SPATA31D4: variants seen among roughly 807,000 people sequenced by gnomAD.
SPATA31D4 encodes SPATA31 subfamily D member 4.
For missense variants in SPATA31D4, 73 were observed against 279.1 expected (o/e 0.26, Z 5.26); for synonymous variants, 23 against 102.8 (o/e 0.22, Z 4.70).
Position 81,932,978 on chromosome 9 carries a change from G to A in SPATA31D4, c.*63G>A. ...CATAGAAATCTTCAAATCAGAAGAG[G>A]ATATTTCCAATTCCTTTTCCCATTT... On this transcript the variant is annotated 3_prime_UTR_variant, in exon 4 of 4. Coordinates refer to ENST00000419782, the MANE Select transcript of SPATA31D4 (RefSeq NM_001145197.1). 1 of 1,503,628 alleles carries A rather than the reference G, an allele frequency of 6.7e-7. No homozygotes were observed. Among genetic ancestry groups the A allele is most frequent in the Non-Finnish European group, 9.1e-7 (1 of 1,100,968 alleles). The allele number at this position is 1,503,628 out of a possible 1,614,324, so 93.1% of individuals were successfully genotyped here. A position where few individuals can be genotyped will look rare whatever the true frequency, so the allele number is the denominator to read the frequency against.
At position 81,932,903 on chromosome 9, in the gene SPATA31D4, T is replaced by A. The variant is rs1439888256; in HGVS notation, c.2742T>A (p.Asn914Lys). ...IKSFHMKPILNLSI is the reference protein window; with the variant it reads ...IKSFHMKPILKLSI ...CTTTCCATATGAAGCCCATATTAAATCTTTCCATATGAGGATGCTGTGGGG... is the reference window on the plus strand; with the variant it reads ...CTTTCCATATGAAGCCCATATTAAAACTTTCCATATGAGGATGCTGTGGGG... The change falls in exon 4 of 4, where the codon AAT becomes AAA. Residue 914 changes from asparagine to lysine, a missense_variant. Asn to Lys is a moderately conservative substitution (Grantham distance 94, BLOSUM62 0). Transcript: ENST00000419782. The A allele has an allele frequency of 7.4e-6, 11 of 1,489,828 alleles. 1 individual carries two copies. Among genetic ancestry groups the A allele is most frequent in the African/African-American group, 1.4e-5 (1 of 70,000 alleles). 92.3% of individuals were successfully genotyped at this position (1,489,828 alleles called of 1,614,324 possible).
chr9:81,934,101 C>T lies in SPATA31D4; in HGVS notation c.*1186C>T. The T allele has an allele frequency of 2.4e-6, 1 of 416,872 alleles. No homozygotes were observed. Among genetic ancestry groups the T allele is most frequent in the East Asian group, 3.8e-5 (1 of 26,340 alleles). The allele number at this position is 416,872 out of a possible 1,614,324, so 25.8% of individuals were successfully genotyped here. On this transcript the variant is annotated 3_prime_UTR_variant, in exon 4 of 4. Coordinates refer to ENST00000419782, the MANE Select transcript of SPATA31D4 (RefSeq NM_001145197.1). ...TCACCAGCTACAAAGAGAGTGAGCC[C>T]TTTAAGACCCAATGGAGGAGAGCTT...
intron 2 of SPATA31D4, 24 bp from the exon 3 acceptor site, chr9:81,930,076 G>T (rs1448602938): frequency 5.8e-6 from 1 of 171,478 alleles, no homozygotes; most frequent in Middle Eastern, 1.4e-3. Context: ...TTCATTGCAT[G>T]TAACATGCTG....
rs1282344345 is a variant in SPATA31D4, at chr9:81,934,562, G to A, written c.*1647G>A. Reference sequence around the variant, plus strand: ...AGCTCAGCACAACCCAGAAGTGCAGGTCAGAGCAGAGCCCTTCCAGGGCTA... The same window carrying A: ...AGCTCAGCACAACCCAGAAGTGCAGATCAGAGCAGAGCCCTTCCAGGGCTA... On this transcript the variant is annotated 3_prime_UTR_variant, in exon 4 of 4. Coordinates refer to ENST00000419782, the MANE Select transcript of SPATA31D4 (RefSeq NM_001145197.1). 2.4e-6 allele frequency: 2 copies of A among 844,926 alleles called. 1 individual carries two copies. Among genetic ancestry groups the A allele is most frequent in the Non-Finnish European group, 3.6e-6 (2 of 551,340 alleles). 52.3% of individuals were successfully genotyped at this position (844,926 alleles called of 1,614,324 possible).
chr9:81,933,074 C>T lies in SPATA31D4; in HGVS notation c.*159C>T, dbSNP rs566858903. On this transcript the variant is annotated 3_prime_UTR_variant, in exon 4 of 4. Transcript: ENST00000419782. The stretch of plus-strand genomic sequence containing the variant: ...AGATGGGGTCTCTAAGTCTCATAGA[C>T]GAAGCACTTTTCAAGGAGAAAAGTT... The T allele has an allele frequency of 4.1e-4, 620 of 1,495,804 alleles. 57 individuals carry two copies. The highest frequency in any genetic ancestry group is 2.2e-3 in the South Asian group (193 of 86,682). The allele number at this position is 1,495,804 out of a possible 1,614,324, so 92.7% of individuals were successfully genotyped here.
chr9:81,932,707 G>T lies in SPATA31D4; in HGVS notation c.2546G>T (p.Ser849Ile), dbSNP rs909620140. ...NEGRMPGTVH[S>I]SWHSVKQTIC... is the part of the protein sequence containing the mutation. ...GGTCGAATGCCTGGGACTGTGCATA[G>T]TTCATGGCACTCAGTCAAGCAGACA... is the stretch of plus-strand genomic sequence containing the variant. Residue 849 changes from serine to isoleucine, a missense_variant, in exon 4 of 4, where the codon AGT becomes ATT. Coordinates refer to ENST00000419782, the MANE Select transcript of SPATA31D4 (RefSeq NM_001145197.1). 1.3e-6 allele frequency: 2 copies of T among 1,520,510 alleles called. No individual in the cohort carries two copies. Among genetic ancestry groups the T allele is most frequent in the African/African-American group, 2.9e-5 (2 of 69,006 alleles). 94.2% of individuals were successfully genotyped at this position (1,520,510 alleles called of 1,614,324 possible). A position where few individuals can be genotyped will look rare whatever the true frequency, so the allele number is the denominator to read the frequency against.
chr9:81,932,804 C>T lies in SPATA31D4; in HGVS notation c.2643C>T (p.His881=), dbSNP rs151243434. The T allele has an allele frequency of 6.8e-4, 1,050 of 1,533,384 alleles. 18 individuals are homozygous for T. In the East Asian group the frequency reaches 0.02, roughly 30 times the overall value. 95.0% of individuals were successfully genotyped at this position (1,533,384 alleles called of 1,614,324 possible). The change falls in exon 4 of 4, where the codon CAC becomes CAT. Residue 881 remains histidine (H), a synonymous_variant. Coordinates refer to ENST00000419782, the MANE Select transcript of SPATA31D4 (RefSeq NM_001145197.1). ...RNLAALVSED[H]GVDTSQEMSF... is the part of the protein sequence containing the mutation. ...TGGCAGCATTGGTGAGTGAGGACCA[C>T]GGCGTTGATACCTCCCAGGAGATGT...
chr9:81,934,187 A>C lies in SPATA31D4; in HGVS notation c.*1272A>C, dbSNP rs200258077. On this transcript the variant is annotated 3_prime_UTR_variant, in exon 4 of 4. Coordinates refer to ENST00000419782, the MANE Select transcript of SPATA31D4 (RefSeq NM_001145197.1). The stretch of plus-strand genomic sequence containing the variant: ...CACTAGAAAGAGCCTCCCTGTTCAT[A>C]ACAAGGCATCAGGAGAGGTGCCTGG... The C allele has an allele frequency of 5.4e-5, 20 of 373,700 alleles. No individual in the cohort carries two copies. Among genetic ancestry groups the C allele is most frequent in the Non-Finnish European group, 1.0e-4 (19 of 189,036 alleles). The allele number at this position is 373,700 out of a possible 1,614,324, so 23.1% of individuals were successfully genotyped here. A position where few individuals can be genotyped will look rare whatever the true frequency, so the allele number is the denominator to read the frequency against.
rs758877156 is a variant in SPATA31D4 at position 81,932,940 on chromosome 9, A to C, written c.*25A>C. The C allele has an allele frequency of 3.3e-6, 5 of 1,509,010 alleles. 1 individual carries two copies. The South Asian group carries it at 4.7e-5, about 14-fold the overall frequency. 93.5% of individuals were successfully genotyped at this position (1,509,010 alleles called of 1,614,324 possible). On this transcript the variant is annotated 3_prime_UTR_variant, in exon 4 of 4. Transcript: ENST00000419782. ...AGGATGCTGTGGGGCCTTCCCCGCA[A>C]GATCCGTGAACCCATAGAAATCTTC...
Position 81,933,143 on chromosome 9 carries a change from G to T in SPATA31D4, c.*228G>T, listed in dbSNP as rs1267678028. On this transcript the variant is annotated 3_prime_UTR_variant, in exon 4 of 4. Transcript: ENST00000419782. ...CCCTGTCCTTAATCATCCTCAGCCTGTCTCCTCACCTATTGGCAAAGAAGG... is the reference window on the plus strand; with the variant it reads ...CCCTGTCCTTAATCATCCTCAGCCTTTCTCCTCACCTATTGGCAAAGAAGG... The T allele has an allele frequency of 2.8e-5, 21 of 750,220 alleles. No individual in the cohort carries two copies. The African/African-American group carries it at 3.0e-4, about 11-fold the overall frequency. 46.5% of individuals were successfully genotyped at this position (750,220 alleles called of 1,614,324 possible). A position where few individuals can be genotyped will look rare whatever the true frequency, so the allele number is the denominator to read the frequency against.
Position 81,930,085 on chromosome 9 carries a change from T to C in SPATA31D4, c.233-15T>C. On this transcript the variant is annotated splice_polypyrimidine_tract_variant and intron_variant, in intron 2 of 3. Coordinates refer to ENST00000419782, the MANE Select transcript of SPATA31D4 (RefSeq NM_001145197.1). ...TCTACCTTCATTGCATGTAACATGC[T>C]GTTCTGGTTTCCAGACCGGAAAAGT... 1.6e-5 allele frequency: 3 copies of C among 182,476 alleles called. No homozygotes were observed. The highest frequency in any genetic ancestry group is 1.6e-5 in the Non-Finnish European group (2 of 123,374). The allele number at this position is 182,476 out of a possible 1,614,324, so 11.3% of individuals were successfully genotyped here.
At position 81,930,160 on chromosome 9, in the gene SPATA31D4, G is replaced by C. The variant is rs1489399998; in HGVS notation, c.293G>C (p.Ser98Thr). The C allele has an allele frequency of 3.0e-5, 9 of 296,198 alleles. 2 individuals carry two copies. The highest frequency in any genetic ancestry group is 4.4e-5 in the Non-Finnish European group (9 of 202,344). The allele number at this position is 296,198 out of a possible 1,614,324, so 18.3% of individuals were successfully genotyped here. A position where few individuals can be genotyped will look rare whatever the true frequency, so the allele number is the denominator to read the frequency against. Residue 98 changes from serine to threonine, a missense_variant and splice_region_variant, in exon 3 of 4, where the codon AGC (serine) becomes ACC (threonine). Transcript: ENST00000419782. The part of the protein sequence containing the change: ...EERKLHSFLK[S>T]FGPPVSCSPL... Reference sequence around the variant, plus strand: ...AGAAAGCTACATTCTTTTCTGAAAAGGTGATTAATCATTCCCCTTCTATCC... The same window carrying C: ...AGAAAGCTACATTCTTTTCTGAAAACGTGATTAATCATTCCCCTTCTATCC...
Position 81,932,827 on chromosome 9 carries a change from T to A in SPATA31D4, c.2666T>A (p.Met889Lys). Residue 889 changes from methionine to lysine, a missense_variant, in exon 4 of 4, where the codon ATG becomes AAG. Transcript: ENST00000419782. ...CACGGCGTTGATACCTCCCAGGAGA[T>A]GTCCTTCCTTAGTTCCAACAAACAA... The part of the protein sequence containing the change: ...EDHGVDTSQE[M>K]SFLSSNKQKM... 6.5e-7 allele frequency: 1 copy of A among 1,530,598 alleles called. No individual in the cohort carries two copies. Among genetic ancestry groups the A allele is most frequent in the South Asian group, 1.1e-5 (1 of 87,982 alleles). 94.8% of individuals were successfully genotyped at this position (1,530,598 alleles called of 1,614,324 possible).
In SPATA31D4 at chr9:81,932,899, T is replaced by G; in HGVS notation, c.2738T>G (p.Leu913Ter). The change falls in exon 4 of 4, where the codon TTA becomes TGA. Residue 913 changes from leucine to a stop codon, truncating the protein, a stop_gained. Transcript: ENST00000419782. LOFTEE classifies it high-confidence loss of function. The part of the protein sequence containing the change: ...HIKSFHMKPI[L>*]NLSI ...AAATCTTTCCATATGAAGCCCATAT[T>G]AAATCTTTCCATATGAGGATGCTGT... 1.3e-6 allele frequency: 2 copies of G among 1,486,716 alleles called. No homozygotes were observed. Among genetic ancestry groups the G allele is most frequent in the Non-Finnish European group, 1.8e-6 (2 of 1,096,138 alleles). 92.1% of individuals were successfully genotyped at this position (1,486,716 alleles called of 1,614,324 possible).
chr9:81,932,983 T>C lies in SPATA31D4; in HGVS notation c.*68T>C. ...AAATCTTCAAATCAGAAGAGGATAT[T>C]TCCAATTCCTTTTCCCATTTCTACC... On this transcript the variant is annotated 3_prime_UTR_variant, in exon 4 of 4. Coordinates refer to ENST00000419782, the MANE Select transcript of SPATA31D4 (RefSeq NM_001145197.1). The C allele has an allele frequency of 6.7e-7, 1 of 1,495,002 alleles. No individual in the cohort carries two copies. The highest frequency in any genetic ancestry group is 2.3e-5 in the East Asian group (1 of 43,642). 92.6% of individuals were successfully genotyped at this position (1,495,002 alleles called of 1,614,324 possible). A position where few individuals can be genotyped will look rare whatever the true frequency, so the allele number is the denominator to read the frequency against.
chr9:81,933,008 C>A lies in SPATA31D4; in HGVS notation c.*93C>A, dbSNP rs1223746485. 2.0e-5 allele frequency: 29 copies of A among 1,440,990 alleles called. 1 individual carries two copies. In the African/African-American group the frequency reaches 3.5e-4, roughly 17 times the overall value. The allele number at this position is 1,440,990 out of a possible 1,614,324, so 89.3% of individuals were successfully genotyped here. A position where few individuals can be genotyped will look rare whatever the true frequency, so the allele number is the denominator to read the frequency against. ...TTCCAATTCCTTTTCCCATTTCTAC[C>A]TTCCCTCCTCAGCCAGCTTTATTTC... On this transcript the variant is annotated 3_prime_UTR_variant, in exon 4 of 4. Transcript: ENST00000419782.
In SPATA31D4 at chr9:81,932,907, T is replaced by TC. The variant is rs1823790059; in HGVS notation, c.2748dup (p.Ile917HisfsTer532). The stretch of plus-strand genomic sequence containing the variant: ...CCATATGAAGCCCATATTAAATCTT[T>TC]CCATATGAGGATGCTGTGGGGCCTT... On this transcript the variant is annotated frameshift_variant, in exon 4 of 4. Coordinates refer to ENST00000419782, the MANE Select transcript of SPATA31D4 (RefSeq NM_001145197.1). LOFTEE classifies it high-confidence loss of function. 1 of 1,491,568 alleles carries TC rather than the reference T, an allele frequency of 6.7e-7. No homozygotes were observed. The highest frequency in any genetic ancestry group is 9.1e-7 in the Non-Finnish European group (1 of 1,097,370). 92.4% of individuals were successfully genotyped at this position (1,491,568 alleles called of 1,614,324 possible).
Position 81,934,574 on chromosome 9 carries a change from C to A in SPATA31D4, c.*1659C>A, listed in dbSNP as rs753942111. 6.7e-5 allele frequency: 63 copies of A among 936,488 alleles called. 6 individuals are homozygous for A. Among genetic ancestry groups the A allele is most frequent in the Non-Finnish European group, 9.1e-5 (57 of 629,072 alleles). 58.0% of individuals were successfully genotyped at this position (936,488 alleles called of 1,614,324 possible). On this transcript the variant is annotated 3_prime_UTR_variant, in exon 4 of 4. Transcript: ENST00000419782. Reference sequence around the variant, plus strand: ...CCCAGAAGTGCAGGTCAGAGCAGAGCCCTTCCAGGGCTATCCCCGCAACTA... The same window carrying A: ...CCCAGAAGTGCAGGTCAGAGCAGAGACCTTCCAGGGCTATCCCCGCAACTA...
Position 81,934,158 on chromosome 9 carries a change from A to C in SPATA31D4, c.*1243A>C. ...GGGGATGCAGGGTTGGGGACATCCC[A>C]ACTCACTAGAAAGAGCCTCCCTGTT... is the stretch of plus-strand genomic sequence containing the variant. On this transcript the variant is annotated 3_prime_UTR_variant, in exon 4 of 4. Transcript: ENST00000419782. 1 of 406,144 alleles carries C rather than the reference A, an allele frequency of 2.5e-6. No individual in the cohort carries two copies. The highest frequency in any genetic ancestry group is 4.6e-5 in the East Asian group (1 of 21,648). 25.2% of individuals were successfully genotyped at this position (406,144 alleles called of 1,614,324 possible).
Sources: gnomAD v4.1 joint callset for allele counts on GRCh38, gnomAD v4.1.1 for gene constraint, MANE v1.5 for transcripts, NCBI Gene and HGNC (gene_info 2026-07-23, HGNC 2026-07-21) for gene names.